Variants in ARHGEF10L observed in about 807,000 individuals in gnomAD.
ARHGEF10L encodes the protein Rho guanine nucleotide exchange factor 10 like, also known as rho guanine nucleotide exchange factor 10-like protein.
A neutral mutation model predicts 141.2 loss-of-function variants in ARHGEF10L; 69 were observed. The ratio of observed to expected loss-of-function variants is 0.49; its 90% CI spans 0.40 to 0.60. ARHGEF10L has a LOEUF of 0.60. Ranked by LOEUF, ARHGEF10L falls within the 20% of genes least tolerant of loss-of-function variation. The pLI is 0.00. For missense variants in ARHGEF10L, 1,482 were observed against 1,734.3 expected, an observed-to-expected ratio of 0.85 and a Z score of 2.58; for synonymous variants, 711 against 718.5, an observed-to-expected ratio of 0.99 and a Z score of 0.17.
At chr1:17,612,075 A>C (rs1447860909) in intron 7 of ARHGEF10L, among the ~76,000 whole-genome samples, 2 of 149,786 alleles carry the variant, frequency 1.3e-5, no homozygotes, top group Admixed American at 6.6e-5. Flanking sequence ...CCTCCCTTTT[A>C]CCCTTCACCC....
intron 28 of ARHGEF10L, among the ~76,000 whole-genome samples, chr1:17,696,352 C>T (rs998464028): frequency 6.6e-6 from 1 of 151,982 alleles, no homozygotes; most frequent in African/African-American, 2.4e-5. Context: ...GGGATGAAAT[C>T]GGGCAGAGAC....
intron 4 of ARHGEF10L, among the ~76,000 whole-genome samples, chr1:17,591,299 G>A (rs1250446187): frequency 6.6e-6 from 1 of 151,776 alleles, no homozygotes; most frequent in African/African-American, 2.4e-5. Context: ...CTGGAGTGCA[G>A]TGGTGTGATC....
chr1:17,600,060 GGGA>G (rs2080491553), intron 4 of ARHGEF10L, among the ~76,000 whole-genome samples: 1 of 152,194 alleles, frequency 6.6e-6, no homozygotes, highest in African/African-American at 2.4e-5. Context: ...AGCCCAGCTT[GGGA>G]GCTAGACAAG....
intron 26 of ARHGEF10L, among the ~76,000 whole-genome samples, chr1:17,681,754 C>T (rs1474886882): frequency 1.3e-5 from 2 of 152,172 alleles, no homozygotes; most frequent in African/African-American, 4.8e-5. Context: ...TGCTGGTTTC[C>T]CTTTGTGATT....
At chr1:17,641,136 C>T (rs2101838555) in intron 21 of ARHGEF10L, among the ~76,000 whole-genome samples, 1 of 152,298 alleles carries the variant, frequency 6.6e-6, no homozygotes, top group South Asian at 2.1e-4. Flanking sequence ...CTGCAGACTG[C>T]ATTCATTAAG....
chr1:17,682,116 T>C (rs1288471649), intron 26 of ARHGEF10L, among the ~76,000 whole-genome samples: 1 of 152,220 alleles, frequency 6.6e-6, no homozygotes, highest in East Asian at 1.9e-4. Flanking sequence ...CACATCCCCA[T>C]TGTTCTTTGA....
intron 4 of ARHGEF10L, among the ~76,000 whole-genome samples, chr1:17,593,434 T>C (rs2079771476): frequency 6.6e-6 from 1 of 152,040 alleles, no homozygotes; most frequent in Non-Finnish European, 1.5e-5. Context: ...GGTTTTGAGA[T>C]GGGGAGATGA....
At chr1:17,519,775 C>G in the ARHGEF10L span, among the ~76,000 whole-genome samples, 1 of 151,526 alleles carries the variant, frequency 6.6e-6, no homozygotes, top group African/African-American at 2.4e-5. Flanking sequence ...GTGGAGGTTG[C>G]AGCGATGCAG....
chr1:17,627,532 T>G lies in ARHGEF10L; in HGVS notation c.1584+29T>G, dbSNP rs1016985812. ...AGCTGGGCCTCCCACCTGCCTGCCCTCACCTGCCTGCCCTCACCTGTGCTC... is the reference window on the plus strand; with the variant it reads ...AGCTGGGCCTCCCACCTGCCTGCCCGCACCTGCCTGCCCTCACCTGTGCTC... On this transcript the variant is annotated intron_variant, in intron 15 of 28. Transcript: ENST00000361221. The surrounding 1 kb of genome is among the most constrained non-coding windows in gnomAD (Gnocchi z 4.0). 2 of 1,605,068 alleles carry G rather than the reference T, an allele frequency of 1.2e-6. No individual in the cohort carries two copies. Among genetic ancestry groups the G allele is most frequent in the Non-Finnish European group, 1.7e-6 (2 of 1,176,466 alleles).
In ARHGEF10L at chr1:17,621,108, G is replaced by T. The variant is rs1179123923; in HGVS notation, c.943-756G>T. 6.6e-6 allele frequency among the ~76,000 whole-genome samples: 1 copy of T among 152,210 alleles called. No homozygotes were observed. The highest frequency in any genetic ancestry group is 1.5e-5 in the Non-Finnish European group (1 of 68,022). On this transcript the variant is annotated intron_variant, in intron 10 of 28. Transcript: ENST00000361221. This position sits in a 1 kb window ranked among gnomAD's most constrained non-coding sequence, Gnocchi z 4.1. The stretch of plus-strand genomic sequence containing the variant: ...AGGGACTGGGGATGTTTAGCCAGAA[G>T]CAGAGACCACTCGTGTGGGGGGACG...
chr1:17,660,493 C>T (rs948404704), intron 25 of ARHGEF10L, among the ~76,000 whole-genome samples: 6 of 152,236 alleles, frequency 3.9e-5, no homozygotes, highest in Admixed American at 1.3e-4. Flanking sequence ...GCACCTCCCA[C>T]GTGTCCCTTT....
intron 15 of ARHGEF10L, among the ~76,000 whole-genome samples, chr1:17,629,919 C>T (rs942758959): frequency 6.6e-5 from 10 of 152,170 alleles, no homozygotes; most frequent in African/African-American, 2.2e-4. Flanking sequence ...AAATAAATTC[C>T]GTAGTGGTTG....
chr1:17,646,607 G>A (rs950252445), intron 21 of ARHGEF10L, among the ~76,000 whole-genome samples: 2 of 152,040 alleles, frequency 1.3e-5, no homozygotes, highest in African/African-American at 2.4e-5. Flanking sequence ...TGCACACAAC[G>A]AAGAAGAGCC....
intron 4 of ARHGEF10L, among the ~76,000 whole-genome samples, chr1:17,596,360 C>T (rs377435138): frequency 6.6e-6 from 1 of 152,166 alleles, no homozygotes; most frequent in Non-Finnish European, 1.5e-5. Flanking sequence ...GAGGAGTTTC[C>T]GAGGCGGGCG....
rs759929514 is a variant in ARHGEF10L, at chr1:17,697,098, G to A, written c.3558G>A (p.Pro1186=). Residue 1186 remains proline (P), a synonymous_variant, in exon 29 of 29, where the codon CCG becomes CCA. Coordinates refer to ENST00000361221, the MANE Select transcript of ARHGEF10L (RefSeq NM_018125.4). This position sits in a 1 kb window ranked among gnomAD's most constrained non-coding sequence, Gnocchi z 4.8. The part of the protein sequence containing the change: ...RLRSTAHLPG[P]LLSMREPAPA... ...GCTCCACCGCACACCTCCCGGGCCC[G>A]CTGCTCTCCATGCGGGAGCCGGCGC... is the stretch of plus-strand genomic sequence containing the variant. 2.6e-5 allele frequency: 42 copies of A among 1,608,224 alleles called. No homozygotes were observed. The highest frequency in any genetic ancestry group is 6.7e-5 in the East Asian group (3 of 44,712).
rs1024986929 is a variant in ARHGEF10L at position 17,654,781 on chromosome 1, G to A, written c.2481+59G>A. The stretch of plus-strand genomic sequence containing the variant: ...GCCTCAGGACAGGAGTAGGGAGAGC[G>A]GCACCTGGGAGGGGGTGCTGGAGAC... On this transcript the variant is annotated intron_variant, in intron 23 of 28. Transcript: ENST00000361221. This position sits in a 1 kb window ranked among gnomAD's most constrained non-coding sequence, Gnocchi z 4.3. 5.4e-5 allele frequency: 81 copies of A among 1,491,574 alleles called. 3 individuals carry two copies. The highest frequency in any genetic ancestry group is 5.0e-5 in the Admixed American group (3 of 59,800). The allele number at this position is 1,491,574 out of a possible 1,614,324, so 92.4% of individuals were successfully genotyped here.
chr1:17,605,081 A>G (rs2081049187), intron 6 of ARHGEF10L, among the ~76,000 whole-genome samples: 1 of 152,044 alleles, frequency 6.6e-6, no homozygotes, highest in African/African-American at 2.4e-5. Flanking sequence ...TGCAGGGTGG[A>G]GTTTTGGAGA....
intron 1 of ARHGEF10L, among the ~76,000 whole-genome samples, chr1:17,564,295 C>T (rs2077662097): frequency 6.6e-6 from 1 of 152,182 alleles, no homozygotes; most frequent in African/African-American, 2.4e-5. Flanking sequence ...TGCCCAGGAG[C>T]TTAGGGCTGG....
At chr1:17,539,371 C>T (rs972906057), upstream of ARHGEF10L, among the ~76,000 whole-genome samples, 2 of 152,166 alleles carry the variant, frequency 1.3e-5, no homozygotes, top group Non-Finnish European at 2.9e-5. This position sits in a 1 kb window ranked among gnomAD's most constrained non-coding sequence, Gnocchi z 6.0. Context: ...GCACCCTGCG[C>T]GCCTGCGGGG....
Sources: gnomAD v4.1 joint callset for allele counts (sites outside exome capture counted in the v4.1 genomes callset) on GRCh38, gnomAD v4.1.1 for gene constraint, Gnocchi (gnomAD v3.1) non-coding constraint, MANE v1.5 for transcripts, NCBI Gene and HGNC (gene_info 2026-07-23, HGNC 2026-07-21) for gene names.